The following NEGR1 variants were observed in gnomAD, a reference collection of about 807,000 sequenced individuals.
NEGR1 encodes the protein IgLON family member 4.
NEGR1 carries 10 observed loss-of-function variants against 40.9 expected under a neutral mutation model. The observed-to-expected ratio is 0.24, with a 90% CI of 0.15 to 0.42. The LOEUF is 0.42. NEGR1 is among the 10% of genes least tolerant of loss of function. The pLI is 1.00. For missense variants in NEGR1, 352 were observed against 438.9 expected (o/e 0.80, Z 1.77); for synonymous variants, 185 against 166.8 (o/e 1.11, Z -0.84).
intron 5 of NEGR1, among the ~76,000 whole-genome samples, chr1:71,601,325 T>C (rs529580104): frequency 1.3e-5 from 2 of 152,226 alleles, no homozygotes; most frequent in East Asian, 3.9e-4. Context: ...ACAACAGATG[T>C]TGGTGTGGAT....
chr1:71,860,755 A>G (rs1659921704), intron 2 of NEGR1, among the ~76,000 whole-genome samples: 1 of 152,066 alleles, frequency 6.6e-6, no homozygotes, highest in South Asian at 2.1e-4. Context: ...GGAGATTTAA[A>G]TTACATCTCC....
chr1:71,660,489 A>C (rs1301868871), intron 4 of NEGR1, among the ~76,000 whole-genome samples: 1 of 151,754 alleles, frequency 6.6e-6, no homozygotes, highest in Non-Finnish European at 1.5e-5. Context: ...AAAAGTTTAA[A>C]AAAGAAAAAA....
chr1:71,898,959 TATAGC>T (rs1661057384), intron 2 of NEGR1, among the ~76,000 whole-genome samples: 1 of 93,284 alleles, frequency 1.1e-5, no homozygotes, highest in East Asian at 4.5e-4. Flanking sequence ...AATATATATA[TATAGC>T]ATATATATAT....
At chr1:71,917,779 TA>T (rs79120253) in intron 2 of NEGR1, among the ~76,000 whole-genome samples, 55,221 of 120,524 alleles carry the variant, frequency 0.46, 13,072 homozygotes, top group African/African-American at 0.66. Context: ...GACTCCGTCT[TA>T]AAAAAAAAAA....
intron 1 of NEGR1, among the ~76,000 whole-genome samples, chr1:72,175,775 C>T (rs1652142742): frequency 6.6e-6 from 1 of 151,892 alleles, no homozygotes; most frequent in Non-Finnish European, 1.5e-5. Flanking sequence ...CAGAACCAGA[C>T]AGCAAAATTT....
At chr1:72,115,538 C>G (rs1649548191) in intron 1 of NEGR1, among the ~76,000 whole-genome samples, 2 of 151,694 alleles carry the variant, frequency 1.3e-5, no homozygotes, top group Admixed American at 1.3e-4. Flanking sequence ...GCCAGAAAAT[C>G]TGATATTAGC....
chr1:71,588,088 A>G (rs2101514634), intron 6 of NEGR1, among the ~76,000 whole-genome samples: 1 of 152,242 alleles, frequency 6.6e-6, no homozygotes, highest in East Asian at 1.9e-4. Context: ...AGAAATAACT[A>G]TGTTTTACTG....
chr1:72,143,901 ATATGATATATATAAT>A (rs1557548414), intron 1 of NEGR1, among the ~76,000 whole-genome samples: 1,284 of 82,862 alleles, frequency 0.015, 20 homozygotes, highest in African/African-American at 0.058. Context: ...TATATTATAT[ATATGATATATATAAT>A]ATATATATAT....
At chr1:72,059,815 A>C (rs1222112131) in intron 1 of NEGR1, among the ~76,000 whole-genome samples, 1 of 151,674 alleles carries the variant, frequency 6.6e-6, no homozygotes, top group African/African-American at 2.4e-5. Flanking sequence ...AAATGTATAC[A>C]TTATGCATGT....
intron 2 of NEGR1, among the ~76,000 whole-genome samples, chr1:71,777,029 T>C (rs955791450): frequency 6.6e-6 from 1 of 152,172 alleles, no homozygotes; most frequent in South Asian, 2.1e-4. Context: ...TTTTCTCTGA[T>C]GTATTAGACT....
chr1:72,194,556 G>A (rs556634969), intron 1 of NEGR1, among the ~76,000 whole-genome samples: 2 of 151,944 alleles, frequency 1.3e-5, no homozygotes, highest in South Asian at 4.2e-4. Flanking sequence ...TACCTTCTGG[G>A]GGATAGTAAA....
At chr1:72,203,600 T>C (rs192786937) in intron 1 of NEGR1, among the ~76,000 whole-genome samples, 1 of 152,250 alleles carries the variant, frequency 6.6e-6, no homozygotes, top group East Asian at 1.9e-4. Flanking sequence ...ACTTAGTTGA[T>C]ACAACAGTGG....
At chr1:71,932,533 T>C (rs561916538) in intron 2 of NEGR1, among the ~76,000 whole-genome samples, 4 of 152,238 alleles carry the variant, frequency 2.6e-5, no homozygotes, top group Admixed American at 2.6e-4. Flanking sequence ...TCAATAGCAC[T>C]AATAAATTTC....
intron 6 of NEGR1, among the ~76,000 whole-genome samples, chr1:71,501,809 G>C (rs1440015550): frequency 6.6e-6 from 1 of 152,092 alleles, no homozygotes; most frequent in Non-Finnish European, 1.5e-5. Flanking sequence ...GTTTGCCCTT[G>C]ATAGAGTTTA....
intron 4 of NEGR1, among the ~76,000 whole-genome samples, chr1:71,627,771 G>A (rs147904508): frequency 1.2e-4 from 19 of 152,150 alleles, no homozygotes; most frequent in African/African-American, 4.3e-4. Context: ...AATCTCCTAT[G>A]TACCAAAGCC....
At chr1:71,769,469 C>T (rs1656242399) in intron 3 of NEGR1, among the ~76,000 whole-genome samples, 1 of 152,122 alleles carries the variant, frequency 6.6e-6, no homozygotes, top group Non-Finnish European at 1.5e-5. Flanking sequence ...CCCATAATCC[C>T]CATGTGTTGT....
At chr1:71,431,917 A>C (rs559295400) in intron 6 of NEGR1, among the ~76,000 whole-genome samples, 2 of 152,290 alleles carry the variant, frequency 1.3e-5, no homozygotes, top group South Asian at 4.1e-4. Context: ...GGGGAAACTG[A>C]AATTGTGGTA....
At chr1:71,756,009 C>T (rs1655720297) in intron 3 of NEGR1, among the ~76,000 whole-genome samples, 1 of 152,036 alleles carries the variant, frequency 6.6e-6, no homozygotes, top group Admixed American at 6.6e-5. Context: ...ATCTTTAAGC[C>T]TCAAATGTAT....
chr1:71,774,143 G>T (rs569129003), intron 3 of NEGR1, among the ~76,000 whole-genome samples: 1 of 152,136 alleles, frequency 6.6e-6, no homozygotes, highest in African/African-American at 2.4e-5. Context: ...AATAGCCAAG[G>T]ATTATTATCA....
Sources: allele counts gnomAD v4.1 joint callset (sites outside exome capture counted in the v4.1 genomes callset), GRCh38; gene constraint gnomAD v4.1.1; transcripts MANE v1.5; gene names NCBI Gene and HGNC (gene_info 2026-07-23, HGNC 2026-07-21).